The following OSBPL5 variants were observed in gnomAD, a reference collection of about 807,000 sequenced individuals.
The protein encoded by OSBPL5 is oxysterol binding protein like 5.
Under a neutral mutation model 111.2 loss-of-function variants are expected in OSBPL5, and 71 were observed. The observed-to-expected ratio is 0.64, with a 90% CI of 0.53 to 0.78. OSBPL5 has a LOEUF of 0.78. Among genes scored for constraint, OSBPL5 ranks in the 30% least tolerant of loss-of-function variants. The probability of loss-of-function intolerance (pLI) is 0.00; values close to 1 mark genes in which losing one functional copy is unlikely to be tolerated. For synonymous variants in OSBPL5, 549 were observed against 513.9 expected (o/e 1.07, Z -0.93); for missense variants, 1,210 against 1,189.3 (o/e 1.02, Z -0.26).
intron 12 of OSBPL5, 73 bp downstream of exon 12, chr11:3,102,107 GCCA>G (rs1208575969): frequency 6.8e-7 from 1 of 1,460,298 alleles, no homozygotes; most frequent in African/African-American, 1.4e-5. Context: ...CCTGCCTGCT[GCCA>G]GGGCCCCGCC....
chr11:3,129,134 G>T lies in OSBPL5; in HGVS notation c.15C>A (p.Ala5=). The part of the protein sequence containing the change: MKEE[A]FLRRRFSLCP... ...ACAGGGAGAAGCGGCGCCGGAGGAA[G>T]GCCTCCTCCTTCATGCTGTGGGCGC... Residue 5 remains alanine, a synonymous_variant, in exon 2 of 22, where the codon GCC becomes GCA. Coordinates refer to ENST00000263650, the MANE Select transcript of OSBPL5 (RefSeq NM_020896.4). The T allele has an allele frequency of 6.8e-7, 1 of 1,477,944 alleles. No individual in the cohort carries two copies. The highest frequency in any genetic ancestry group is 2.7e-5 in the East Asian group (1 of 36,650). The allele number at this position is 1,477,944 out of a possible 1,614,324, so 91.6% of individuals were successfully genotyped here.
At position 3,107,487 on chromosome 11, in the gene OSBPL5, T is replaced by A. The variant is rs1476938959; in HGVS notation, c.867-32A>T. ...GGTGGATGGTGCCAGTGGGTCCCTG[T>A]CACAGGTGAGAGCCCAGCACAGCCC... On this transcript the variant is annotated intron_variant, in intron 8 of 21. Transcript: ENST00000263650. This position sits in a 1 kb window ranked among gnomAD's most constrained non-coding sequence, Gnocchi z 6.1. 1 of 1,610,552 alleles carries A rather than the reference T, an allele frequency of 6.2e-7. No homozygotes were observed. The highest frequency in any genetic ancestry group is 1.1e-5 in the South Asian group (1 of 90,856).
intron 7 of OSBPL5, 85 bp from the exon 8 acceptor site, chr11:3,108,030 C>T (rs1347957172): frequency 6.6e-5 from 100 of 1,507,102 alleles, no homozygotes; most frequent in Non-Finnish European, 8.4e-5. Context: ...GGCTCCCCCT[C>T]ACTCTGACTC....
Position 3,154,076 on chromosome 11 carries a change from C to T in OSBPL5, c.-22+11140G>A, listed in dbSNP as rs911084248. Among the ~76,000 whole-genome samples, 3 of 152,212 alleles carry T rather than the reference C, an allele frequency of 2.0e-5. No individual in the cohort carries two copies. The highest frequency in any genetic ancestry group is 2.9e-5 in the Non-Finnish European group (2 of 68,044). ...CCCGGGAAACACATGGCATTCAAACCGCCGCTGGTGTGTGGCCCCTTATCC... is the reference window on the plus strand; with the variant it reads ...CCCGGGAAACACATGGCATTCAAACTGCCGCTGGTGTGTGGCCCCTTATCC... On this transcript the variant is annotated intron_variant, in intron 1 of 21. Coordinates refer to ENST00000263650, the MANE Select transcript of OSBPL5 (RefSeq NM_020896.4). The surrounding 1 kb of genome is among the most constrained non-coding windows in gnomAD (Gnocchi z 4.9).
At chr11:3,114,622 A>G (rs1380746562) in intron 7 of OSBPL5, among the ~76,000 whole-genome samples, 2 of 101,538 alleles carry the variant, frequency 2.0e-5, no homozygotes, top group Non-Finnish European at 3.6e-5. Flanking sequence ...TTTTTTAGAC[A>G]GAGTCTCGCT....
rs920292168 is a variant in OSBPL5 at position 3,113,825 on chromosome 11, C to T, written c.691+5722G>A. Among the ~76,000 whole-genome samples, 2 of 152,074 alleles carry T rather than the reference C, an allele frequency of 1.3e-5. No homozygotes were observed. The highest frequency in any genetic ancestry group is 1.3e-4 in the Admixed American group (2 of 15,244). ...TTTCAGGTAAACTATAAACTAAGTT[C>T]CTCCCAAAGTTAGTTTGACCTATGC... On this transcript the variant is annotated intron_variant, in intron 7 of 21. Coordinates refer to ENST00000263650, the MANE Select transcript of OSBPL5 (RefSeq NM_020896.4). This position sits in a 1 kb window ranked among gnomAD's most constrained non-coding sequence, Gnocchi z 4.8.
intron 21 of OSBPL5, 48 bp downstream of exon 21, chr11:3,089,798 C>T (rs954350050): frequency 5.3e-6 from 8 of 1,518,706 alleles, no homozygotes; most frequent in East Asian, 4.9e-5. Context: ...CCAGGTCTCT[C>T]GCACTCTCTG....
chr11:3,100,976 T>C lies in OSBPL5; in HGVS notation c.1522+627A>G, dbSNP rs543423658. On this transcript the variant is annotated intron_variant, in intron 13 of 21. Transcript: ENST00000263650. ...CTGCAGTTTCAGTTTCATTTCTTTT[T>C]TTTTTTTTTTTTTTTTGAGACAGAG... Among the ~76,000 whole-genome samples the C allele has an allele frequency of 2.8e-3, 285 of 103,066 alleles. 1 individual carries two copies. The highest frequency in any genetic ancestry group is 4.1e-3 in the Non-Finnish European group (199 of 48,966). 67.6% of individuals were successfully genotyped at this position (103,066 alleles called of 152,430 possible).
intron 7 of OSBPL5, among the ~76,000 whole-genome samples, chr11:3,108,769 TTTTGTTTG>T (rs139260694): frequency 1.3e-5 from 2 of 151,744 alleles, no homozygotes; most frequent in African/African-American, 2.4e-5. Context: ...TTAATAAGGT[TTTTGTTTG>T]TTTGTTTTGA....
chr11:3,127,923 T>C (rs1400148403), intron 2 of OSBPL5, among the ~76,000 whole-genome samples: 1 of 152,152 alleles, frequency 6.6e-6, no homozygotes, highest in African/African-American at 2.4e-5. Context: ...CCTGGGCCAG[T>C]TGCTAGTTGG....
chr11:3,130,367 G>A lies in OSBPL5; in HGVS notation c.-21-1198C>T, dbSNP rs1858783200. ...GCCAGTGGCATCCTGCCAAGCCCGG[G>A]ACAAAGGCCTCGATTTCTCCCATGG... On this transcript the variant is annotated intron_variant, in intron 1 of 21. Transcript: ENST00000263650. This position sits in a 1 kb window ranked among gnomAD's most constrained non-coding sequence, Gnocchi z 4.5. 6.6e-6 allele frequency among the ~76,000 whole-genome samples: 1 copy of A among 152,238 alleles called. No homozygotes were observed. The highest frequency in any genetic ancestry group is 2.4e-5 in the African/African-American group (1 of 41,462).
chr11:3,120,336 T>C, intron 6 of OSBPL5, 85 bp downstream of exon 6: 4 of 1,504,672 alleles, frequency 2.7e-6, no homozygotes, highest in South Asian at 1.2e-5. Context: ...ATTCAGCTGG[T>C]TGGCTCCACC....
Position 3,162,235 on chromosome 11 carries a change from C to T in OSBPL5, c.-22+2981G>A, listed in dbSNP as rs1846987033. Among the ~76,000 whole-genome samples the T allele has an allele frequency of 6.6e-6, 1 of 151,886 alleles. No homozygotes were observed. The highest frequency in any genetic ancestry group is 1.5e-5 in the Non-Finnish European group (1 of 67,960). On this transcript the variant is annotated intron_variant, in intron 1 of 21. Transcript: ENST00000263650. This position sits in a 1 kb window ranked among gnomAD's most constrained non-coding sequence, Gnocchi z 8.1. ...GAGCTCCAGGCAAGAGCTGGTAGGG[C>T]CAGGAGGGGAGTGGAGGCCAGCCCT...
chr11:3,108,942 A>G (rs1192657905), intron 7 of OSBPL5, among the ~76,000 whole-genome samples: 2 of 151,430 alleles, frequency 1.3e-5, no homozygotes, highest in African/African-American at 4.9e-5. Flanking sequence ...CTAATTTTGT[A>G]TTTTTAGTAG....
chr11:3,088,025 G>A lies in OSBPL5; in HGVS notation c.*180C>T. ...CCTGCAGAGAGGCCAGTGCCCCTGA[G>A]AGGGGCCCAGCACACCTGGGCCCGC... On this transcript the variant is annotated 3_prime_UTR_variant, in exon 22 of 22. Transcript: ENST00000263650. 1.9e-6 allele frequency: 1 copy of A among 518,666 alleles called. No individual in the cohort carries two copies. The highest frequency in any genetic ancestry group is 4.0e-5 in the Admixed American group (1 of 24,854). 32.1% of individuals were successfully genotyped at this position (518,666 alleles called of 1,614,324 possible). A position where few individuals can be genotyped will look rare whatever the true frequency, so the allele number is the denominator to read the frequency against.
chr11:3,160,410 G>A (rs1379020347), intron 1 of OSBPL5, among the ~76,000 whole-genome samples: 1 of 152,096 alleles, frequency 6.6e-6, no homozygotes, highest in African/African-American at 2.4e-5. Context: ...CCAGAGTCCC[G>A]GCCCTTTAAG....
rs1042861469 is a variant in OSBPL5, at chr11:3,161,736, C to A, written c.-22+3480G>T. Reference sequence around the variant, plus strand: ...AGCCATTCAATTAAACAAACATGACCATTTCAGTATAAATAAAGAGAAAAC... The same window carrying A: ...AGCCATTCAATTAAACAAACATGACAATTTCAGTATAAATAAAGAGAAAAC... On this transcript the variant is annotated intron_variant, in intron 1 of 21. Transcript: ENST00000263650. The surrounding 1 kb of genome is among the most constrained non-coding windows in gnomAD (Gnocchi z 8.0). Among the ~76,000 whole-genome samples, 2 of 152,070 alleles carry A rather than the reference C, an allele frequency of 1.3e-5. No individual in the cohort carries two copies. Among genetic ancestry groups the A allele is most frequent in the Non-Finnish European group, 2.9e-5 (2 of 68,022 alleles).
intron 3 of OSBPL5, among the ~76,000 whole-genome samples, chr11:3,123,477 T>C (rs1418767929): frequency 1.3e-5 from 2 of 152,256 alleles, no homozygotes; most frequent in African/African-American, 4.8e-5. Flanking sequence ...TCTGTGGCTG[T>C]TCTCGTGCTT....
At position 3,092,902 on chromosome 11, in the gene OSBPL5, G is replaced by T; in HGVS notation, c.2097C>A (p.Asp699Glu). The T allele has an allele frequency of 6.4e-6, 10 of 1,561,436 alleles. No individual in the cohort carries two copies. Among genetic ancestry groups the T allele is most frequent in the Non-Finnish European group, 7.8e-6 (9 of 1,152,440 alleles). ...GGTAGTGCCACTCCTGGGTGATGGG[G>T]TCCAGGTGGAACAGCTGCGGCTTCC... is the stretch of plus-strand genomic sequence containing the variant. Reference protein sequence around the residue: ...MPWKPQLFHLDPITQEWHYRY... With the variant: ...MPWKPQLFHLEPITQEWHYRY... The change falls in exon 18 of 22, where the codon GAC becomes GAA. Residue 699 changes from aspartate to glutamate, a missense_variant. Asp to Glu is a conservative substitution (Grantham distance 45). Coordinates refer to ENST00000263650, the MANE Select transcript of OSBPL5 (RefSeq NM_020896.4). The surrounding 1 kb of genome is among the most constrained non-coding windows in gnomAD (Gnocchi z 5.4).
Sources: gnomAD v4.1 joint callset for allele counts (sites outside exome capture counted in the v4.1 genomes callset) on GRCh38, gnomAD v4.1.1 for gene constraint, Gnocchi (gnomAD v3.1) non-coding constraint, MANE v1.5 for transcripts, NCBI Gene and HGNC (gene_info 2026-07-23, HGNC 2026-07-21) for gene names.